The following LRRC49 variants were observed in gnomAD, a reference collection of about 807,000 sequenced individuals.
LRRC49 encodes leucine-rich repeat-containing protein 49.
A neutral mutation model predicts 83.3 loss-of-function variants in LRRC49; 50 were observed. The observed-to-expected ratio is 0.60, with a 90% CI of 0.48 to 0.76. LRRC49 has a LOEUF of 0.76. Ranked by LOEUF, LRRC49 falls within the 30% of genes least tolerant of loss-of-function variation. The pLI is 0.00. For missense variants in LRRC49, 704 were observed against 809.1 expected (o/e 0.87, Z 1.58); for synonymous variants, 286 against 283.3 (o/e 1.01, Z -0.10).
chr15:70,915,143 C>T (rs185874270), intron 6 of LRRC49, among the ~76,000 whole-genome samples: 1 of 152,308 alleles, frequency 6.6e-6, no homozygotes, highest in East Asian at 1.9e-4. Context: ...TTGTCCATGG[C>T]TGTAACGAGT....
chr15:70,894,599 C>T (rs775802769), intron 2 of LRRC49: 29 of 1,285,028 alleles, frequency 2.3e-5, no homozygotes, highest in Non-Finnish European at 2.7e-5. Context: ...TTTCTACACA[C>T]TATGTCTCAA....
chr15:71,025,287 G>A (rs2039128060), intron 14 of LRRC49, among the ~76,000 whole-genome samples: 1 of 152,088 alleles, frequency 6.6e-6, no homozygotes, highest in Non-Finnish European at 1.5e-5. Flanking sequence ...AATGTTAAGG[G>A]CAGCCAGAGA....
At chr15:70,997,686 G>C (rs1389528524) in intron 11 of LRRC49, among the ~76,000 whole-genome samples, 1 of 152,222 alleles carries the variant, frequency 6.6e-6, no homozygotes, top group Non-Finnish European at 1.5e-5. Context: ...AGGAGGTGGA[G>C]GTTGCAGTGA....
intron 13 of LRRC49, among the ~76,000 whole-genome samples, chr15:71,011,336 C>T (rs964949108): frequency 6.6e-6 from 1 of 152,084 alleles, no homozygotes; most frequent in East Asian, 1.9e-4. Flanking sequence ...TCAGTTAACC[C>T]TAAATGGTGT....
chr15:70,916,094 C>G (rs28535251), intron 6 of LRRC49, among the ~76,000 whole-genome samples: 1 of 152,190 alleles, frequency 6.6e-6, no homozygotes, highest in South Asian at 2.1e-4. Flanking sequence ...TAATGTTCAT[C>G]AGGTTTATGA....
chr15:70,883,474 G>T (rs185934523), intron 2 of LRRC49, among the ~76,000 whole-genome samples: 1 of 152,080 alleles, frequency 6.6e-6, no homozygotes, highest in African/African-American at 2.4e-5. Flanking sequence ...GTTTACAGGC[G>T]TGAGGCACCT....
intron 6 of LRRC49, among the ~76,000 whole-genome samples, chr15:70,912,778 G>A (rs1056260577): frequency 2.0e-5 from 3 of 152,022 alleles, no homozygotes; most frequent in Non-Finnish European, 4.4e-5. Flanking sequence ...CCGGGTTCAC[G>A]CCATTCTCCT....
chr15:71,035,760 G>T (rs370657437), intron 14 of LRRC49, among the ~76,000 whole-genome samples: 16 of 152,184 alleles, frequency 1.1e-4, no homozygotes, highest in Middle Eastern at 6.8e-3. Flanking sequence ...ATGGGCATTT[G>T]GGTTGATTCC....
chr15:71,031,692 C>T (rs1189678423), intron 14 of LRRC49, among the ~76,000 whole-genome samples: 1 of 152,192 alleles, frequency 6.6e-6, no homozygotes, highest in African/African-American at 2.4e-5. Flanking sequence ...GTTACCTTTC[C>T]TTCAGAGATG....
At chr15:70,882,801 A>G (rs373711314) in intron 2 of LRRC49, 8 of 1,614,074 alleles carry the variant, frequency 5.0e-6, no homozygotes, top group East Asian at 2.2e-5. Context: ...AAATTTGTGT[A>G]CTTTTATGCA....
chr15:70,889,354 G>A (rs2033492416), upstream of LRRC49, among the ~76,000 whole-genome samples: 1 of 151,178 alleles, frequency 6.6e-6, no homozygotes, highest in East Asian at 1.9e-4. Context: ...TGATTTATAT[G>A]AAATCCCCCC....
intron 7 of LRRC49, among the ~76,000 whole-genome samples, chr15:70,919,959 G>A (rs2034947727): frequency 6.6e-6 from 1 of 152,172 alleles, no homozygotes; most frequent in Admixed American, 6.5e-5. Context: ...CTAAATAGAA[G>A]CTTGATGCTG....
chr15:70,974,972 A>G (rs911158384), intron 9 of LRRC49, among the ~76,000 whole-genome samples: 1 of 152,246 alleles, frequency 6.6e-6, no homozygotes, highest in African/African-American at 2.4e-5. Flanking sequence ...TAGACTTAGC[A>G]GCGTGTGTTA....
chr15:70,980,077 T>C, intron 9 of LRRC49, 24 bp from the exon 10 acceptor site: 4 of 1,516,482 alleles, frequency 2.6e-6, no homozygotes, highest in Non-Finnish European at 3.6e-6. Context: ...CTCTTCATAA[T>C]ACTTTTCGGA....
At chr15:71,000,109 C>T (rs1255207766) in intron 11 of LRRC49, among the ~76,000 whole-genome samples, 3 of 152,224 alleles carry the variant, frequency 2.0e-5, no homozygotes, top group Non-Finnish European at 2.9e-5. Flanking sequence ...AGTTAAGATG[C>T]TTCAGAACTC....
At chr15:70,911,458 A>T in intron 5 of LRRC49, 74 bp from the exon 6 acceptor site, 1 of 769,328 alleles carries the variant, frequency 1.3e-6, no homozygotes, top group Non-Finnish European at 2.2e-6. Flanking sequence ...TTACACCTTT[A>T]TGCCTTAGCA....
At chr15:70,999,456 T>C (rs1215220931) in intron 11 of LRRC49, among the ~76,000 whole-genome samples, 1 of 152,188 alleles carries the variant, frequency 6.6e-6, no homozygotes, top group South Asian at 2.1e-4. Context: ...TTTCAGAGAT[T>C]TTCTTAAATG....
chr15:71,015,400 C>T (rs539069097), intron 14 of LRRC49, among the ~76,000 whole-genome samples: 1 of 152,126 alleles, frequency 6.6e-6, no homozygotes, highest in Non-Finnish European at 1.5e-5. Context: ...ATTAGATTCT[C>T]ATAAGGAGTG....
chr15:71,032,553 C>T (rs910322482), intron 14 of LRRC49, among the ~76,000 whole-genome samples: 2 of 152,034 alleles, frequency 1.3e-5, no homozygotes, highest in Admixed American at 1.3e-4. Context: ...GGCAGAGGTA[C>T]AACAAAATAG....
Sources: allele counts gnomAD v4.1 joint callset (sites outside exome capture counted in the v4.1 genomes callset), GRCh38; gene constraint gnomAD v4.1.1; transcripts MANE v1.5; gene names NCBI Gene and HGNC (gene_info 2026-07-23, HGNC 2026-07-21).